Variants in MACROD2 observed in about 807,000 individuals in gnomAD.
MACROD2 encodes the protein ADP-ribose glycohydrolase MACROD2.
Under a neutral mutation model 70.4 loss-of-function variants are expected in MACROD2, and 36 were observed. That is an observed-to-expected ratio of 0.51 (90% CI 0.39 to 0.68). The LOEUF (loss-of-function observed/expected upper bound fraction) is 0.68, where lower values mean the gene tolerates loss of function less well. Ranked by LOEUF, MACROD2 falls within the 30% of genes least tolerant of loss-of-function variation. MACROD2 has a pLI of 0.00. For synonymous variants in MACROD2, 172 were observed against 178.8 expected (o/e 0.96, Z 0.30); for missense variants, 496 against 538.4 (o/e 0.92, Z 0.78).
At chr20:14,651,889 C>G (rs6110371) in intron 4 of MACROD2, among the ~76,000 whole-genome samples, 11,609 of 152,126 alleles carry the variant, frequency 0.076, 655 homozygotes, top group African/African-American at 0.14. Context: ...CAGTGTCTCA[C>G]CTAGGTAGCA....
At chr20:15,140,387 C>T (rs748667465) in intron 5 of MACROD2, among the ~76,000 whole-genome samples, 1 of 151,984 alleles carries the variant, frequency 6.6e-6, no homozygotes, top group Non-Finnish European at 1.5e-5. Context: ...TCAAAATTTC[C>T]TTAGTCTGTC....
intron 6 of MACROD2, among the ~76,000 whole-genome samples, chr20:15,424,089 T>C (rs1288744972): frequency 6.6e-6 from 1 of 152,084 alleles, no homozygotes; most frequent in Non-Finnish European, 1.5e-5. Flanking sequence ...TCCACCCTCA[T>C]GACCTAATCA....
At chr20:15,438,082 G>A (rs1048609833) in intron 7 of MACROD2, among the ~76,000 whole-genome samples, 3 of 152,022 alleles carry the variant, frequency 2.0e-5, no homozygotes, top group Non-Finnish European at 4.4e-5. Context: ...TGGAACCCGG[G>A]AGGTGGAAGT....
chr20:15,968,732 G>A (rs192038734), intron 13 of MACROD2, among the ~76,000 whole-genome samples: 6 of 143,382 alleles, frequency 4.2e-5, no homozygotes, highest in East Asian at 2.0e-4. Context: ...TTCTACTACC[G>A]AAGACAACTA....
intron 4 of MACROD2, among the ~76,000 whole-genome samples, chr20:14,579,784 G>C (rs909536306): frequency 6.6e-6 from 1 of 152,160 alleles, no homozygotes; most frequent in African/African-American, 2.4e-5. Flanking sequence ...GCTTGATAAA[G>C]AGATGAGAAT....
chr20:14,702,050 TG>T (rs1460916488), intron 5 of MACROD2, among the ~76,000 whole-genome samples: 1 of 152,168 alleles, frequency 6.6e-6, no homozygotes, highest in East Asian at 1.9e-4. Flanking sequence ...TCCCTAGACA[TG>T]AACATGAAGA....
chr20:15,277,865 G>A (rs866383589), intron 6 of MACROD2, among the ~76,000 whole-genome samples: 1 of 152,194 alleles, frequency 6.6e-6, no homozygotes, highest in African/African-American at 2.4e-5. Flanking sequence ...CAGACTCATT[G>A]ATGAGAATCT....
At chr20:15,722,115 C>A (rs1382262232) in intron 8 of MACROD2, among the ~76,000 whole-genome samples, 1 of 151,874 alleles carries the variant, frequency 6.6e-6, no homozygotes, top group Non-Finnish European at 1.5e-5. Flanking sequence ...ATGAATTTGC[C>A]ATAATTTATA....
chr20:14,595,063 T>A (rs1160467661), intron 4 of MACROD2, among the ~76,000 whole-genome samples: 1 of 152,158 alleles, frequency 6.6e-6, no homozygotes, highest in Non-Finnish European at 1.5e-5. Context: ...AAACCATATG[T>A]ACTGTTTTAT....
chr20:14,528,748 A>G (rs1264426445), intron 4 of MACROD2, among the ~76,000 whole-genome samples: 1 of 152,104 alleles, frequency 6.6e-6, no homozygotes, highest in Non-Finnish European at 1.5e-5. Context: ...GACATGGACC[A>G]TTGATTAGGT....
At chr20:15,628,870 C>A (rs1282463898) in intron 8 of MACROD2, among the ~76,000 whole-genome samples, 1 of 152,222 alleles carries the variant, frequency 6.6e-6, no homozygotes, top group Non-Finnish European at 1.5e-5. Flanking sequence ...TAAATGAAAT[C>A]ATATGGTGTG....
intron 8 of MACROD2, among the ~76,000 whole-genome samples, chr20:15,612,493 T>C (rs12479987): frequency 0.16 from 24,435 of 152,244 alleles, 2,019 homozygotes; most frequent in African/African-American, 0.19. Flanking sequence ...GCTAGAAATT[T>C]CTTTTGCAAT....
intron 8 of MACROD2, among the ~76,000 whole-genome samples, chr20:15,836,576 C>T (rs200825056): frequency 1.4e-4 from 21 of 152,096 alleles, no homozygotes; most frequent in Admixed American, 2.6e-4. Context: ...TACCTGAATA[C>T]GCAGCTCAAT....
intron 17 of MACROD2, among the ~76,000 whole-genome samples, chr20:16,045,743 G>C (rs1460651263): frequency 6.6e-6 from 1 of 152,056 alleles, no homozygotes; most frequent in Non-Finnish European, 1.5e-5. Flanking sequence ...GAACTATAAA[G>C]TAAATTCCTG....
chr20:15,004,315 T>G (rs2075018986), intron 5 of MACROD2, among the ~76,000 whole-genome samples: 1 of 152,220 alleles, frequency 6.6e-6, no homozygotes. Flanking sequence ...GGACTACACT[T>G]TAGTCAGGTT....
chr20:14,173,555 C>T (rs1569190658), intron 3 of MACROD2, among the ~76,000 whole-genome samples: 1 of 152,106 alleles, frequency 6.6e-6, no homozygotes, highest in African/African-American at 2.4e-5. Flanking sequence ...ATTTGGACTT[C>T]ACCTTTCTCT....
intron 8 of MACROD2, among the ~76,000 whole-genome samples, chr20:15,618,509 C>T (rs1282307746): frequency 6.6e-6 from 1 of 152,182 alleles, no homozygotes; most frequent in Non-Finnish European, 1.5e-5. Flanking sequence ...TCATATTCCT[C>T]CAAGTCTCTC....
At chr20:14,051,801 G>T (rs1370802899) in intron 2 of MACROD2, 8 of 460,124 alleles carry the variant, frequency 1.7e-5, no homozygotes, top group Admixed American at 9.4e-5. Context: ...AATCACAGAG[G>T]TTTGTAGTGG....
At chr20:14,129,941 A>G (rs757732326) in intron 3 of MACROD2, among the ~76,000 whole-genome samples, 20 of 152,362 alleles carry the variant, frequency 1.3e-4, no homozygotes, top group Non-Finnish European at 2.5e-4. Context: ...CTGGGAAACC[A>G]AAAAATTTGT....
Sources: allele counts gnomAD v4.1 joint callset (sites outside exome capture counted in the v4.1 genomes callset), GRCh38; gene constraint gnomAD v4.1.1; transcripts MANE v1.5; gene names NCBI Gene and HGNC (gene_info 2026-07-23, HGNC 2026-07-21).